Variants in MACROD2 observed in about 807,000 individuals in gnomAD.
MACROD2 encodes the protein mono-ADP ribosylhydrolase 2, also known as ADP-ribose glycohydrolase MACROD2.
In MACROD2, 36 loss-of-function variants were observed where a neutral mutation model predicts 70.4. The ratio of observed to expected loss-of-function variants is 0.51; its 90% CI spans 0.39 to 0.68. MACROD2 has a LOEUF of 0.68. MACROD2 is among the 30% of genes least tolerant of loss of function. The pLI is 0.00. For missense variants in MACROD2, 496 were observed against 538.4 expected, an observed-to-expected ratio of 0.92 and a Z score of 0.78; for synonymous variants, 172 against 178.8, an observed-to-expected ratio of 0.96 and a Z score of 0.30.
At chr20:14,829,890 T>C (rs986304479) in intron 5 of MACROD2, among the ~76,000 whole-genome samples, 6 of 152,172 alleles carry the variant, frequency 3.9e-5, no homozygotes, top group African/African-American at 1.4e-4. Context: ...TATAAAACTC[T>C]ACAACTATTA....
chr20:15,182,536 G>A (rs1042306526), intron 5 of MACROD2, among the ~76,000 whole-genome samples: 1 of 152,134 alleles, frequency 6.6e-6, no homozygotes, highest in Non-Finnish European at 1.5e-5. Flanking sequence ...AGACCTTAAT[G>A]AGGGAAGAAT....
intron 3 of MACROD2, among the ~76,000 whole-genome samples, chr20:14,138,979 AGAT>A (rs1346333156): frequency 6.6e-6 from 1 of 152,200 alleles, no homozygotes; most frequent in Non-Finnish European, 1.5e-5. Context: ...ACATAAATAA[AGAT>A]TATATTTTAG....
At chr20:15,150,232 G>A (rs750169331) in intron 5 of MACROD2, among the ~76,000 whole-genome samples, 1 of 151,956 alleles carries the variant, frequency 6.6e-6, no homozygotes, top group African/African-American at 2.4e-5. Context: ...TGAGCCTGAT[G>A]GGTGTCAGGG....
intron 5 of MACROD2, among the ~76,000 whole-genome samples, chr20:15,158,833 A>T (rs2076327287): frequency 6.6e-6 from 1 of 152,190 alleles, no homozygotes. Context: ...AATATAAAGT[A>T]ATTCAAGAGC....
At chr20:14,338,520 T>A (rs896680235) in intron 3 of MACROD2, among the ~76,000 whole-genome samples, 5 of 152,210 alleles carry the variant, frequency 3.3e-5, no homozygotes, top group African/African-American at 4.8e-5. Context: ...AATGAAAGTA[T>A]GTTTTATGTA....
At chr20:15,461,006 A>ATATATATATATATATATATATTTTT in intron 7 of MACROD2, among the ~76,000 whole-genome samples, 23 of 66,988 alleles carry the variant, frequency 3.4e-4, no homozygotes, top group South Asian at 6.8e-4. Context: ...ATATATATAT[A>ATATATATATATATATATATATTTTT]TTTTTTTTTA....
intron 5 of MACROD2, among the ~76,000 whole-genome samples, chr20:14,710,794 A>C (rs1045630172): frequency 1.3e-5 from 2 of 152,134 alleles, no homozygotes; most frequent in African/African-American, 4.8e-5. Flanking sequence ...CAGTATTTTA[A>C]AACCTTTCTG....
chr20:15,716,641 C>A (rs768592544), intron 8 of MACROD2, among the ~76,000 whole-genome samples: 1 of 152,150 alleles, frequency 6.6e-6, no homozygotes, highest in Non-Finnish European at 1.5e-5. Flanking sequence ...TCACCTTATT[C>A]TTTTTCTCGC....
intron 5 of MACROD2, among the ~76,000 whole-genome samples, chr20:14,996,275 G>A (rs983649494): frequency 6.6e-6 from 1 of 152,154 alleles, no homozygotes; most frequent in Non-Finnish European, 1.5e-5. Context: ...AAGGGAATGG[G>A]AACTTCCGGA....
intron 3 of MACROD2, among the ~76,000 whole-genome samples, chr20:14,467,834 A>T (rs961291258): frequency 2.6e-5 from 4 of 152,064 alleles, no homozygotes; most frequent in African/African-American, 9.7e-5. Flanking sequence ...AGTTTCGAAG[A>T]ACTTATTTAT....
At chr20:14,757,523 C>A in intron 5 of MACROD2, 1 of 651,450 alleles carries the variant, frequency 1.5e-6, no homozygotes. Flanking sequence ...TTTTAAAAGA[C>A]TGTATCTAGG....
intron 5 of MACROD2, among the ~76,000 whole-genome samples, chr20:15,157,349 A>ACCCCCCCCCCC (rs71870874): frequency 1.8e-5 from 2 of 109,402 alleles, no homozygotes; most frequent in Admixed American, 9.4e-5. Flanking sequence ...CTAATTAACC[A>ACCCCCCCCCCC]CCCCCCCCCA....
intron 3 of MACROD2, among the ~76,000 whole-genome samples, chr20:14,280,766 C>A (rs1354987751): frequency 6.6e-6 from 1 of 152,158 alleles, no homozygotes; most frequent in South Asian, 2.1e-4. Context: ...ATGACACCGA[C>A]CCTCTTTGGG....
chr20:15,235,204 C>T lies in MACROD2; in HGVS notation c.540+5143C>T, dbSNP rs2145993819. 2.0e-5 allele frequency among the ~76,000 whole-genome samples: 3 copies of T among 151,998 alleles called. 1 individual carries two copies. The South Asian group carries it at 6.3e-4, about 32-fold the overall frequency. ...GAAAAAAACATAATCTGCATATAAG[C>T]CAGATTTTACTTAGGTTAAAAATTA... is the stretch of plus-strand genomic sequence containing the variant. On this transcript the variant is annotated intron_variant, in intron 6 of 17. Transcript: ENST00000684519.
intron 9 of MACROD2, among the ~76,000 whole-genome samples, chr20:15,868,864 G>A (rs909298339): frequency 6.6e-6 from 1 of 151,924 alleles, no homozygotes; most frequent in African/African-American, 2.4e-5. Flanking sequence ...ACTCACTGCA[G>A]CCTCGAACTT....
intron 15 of MACROD2, among the ~76,000 whole-genome samples, chr20:15,999,974 T>C (rs1476549965): frequency 1.3e-5 from 2 of 152,238 alleles, no homozygotes; most frequent in African/African-American, 4.8e-5. Context: ...TGATTCATCA[T>C]TGATTCCTTT....
At chr20:14,839,647 G>A (rs139021447) in intron 5 of MACROD2, among the ~76,000 whole-genome samples, 4 of 152,146 alleles carry the variant, frequency 2.6e-5, no homozygotes, top group East Asian at 1.9e-4. Flanking sequence ...TGATTTGGAG[G>A]CATTGACCAT....
intron 5 of MACROD2, among the ~76,000 whole-genome samples, chr20:14,934,196 TG>T (rs1362081898): frequency 1.3e-5 from 2 of 152,182 alleles, no homozygotes; most frequent in African/African-American, 4.8e-5. Flanking sequence ...TCTGCCCTTC[TG>T]GCCCTTCCAG....
chr20:15,253,629 C>G (rs1250262943), intron 6 of MACROD2, among the ~76,000 whole-genome samples: 1 of 152,158 alleles, frequency 6.6e-6, no homozygotes, highest in Non-Finnish European at 1.5e-5. Context: ...GCTGGACACT[C>G]ATAACTATGG....
Sources: gnomAD v4.1 joint callset for allele counts (sites outside exome capture counted in the v4.1 genomes callset) on GRCh38, gnomAD v4.1.1 for gene constraint, MANE v1.5 for transcripts, NCBI Gene and HGNC (gene_info 2026-07-23, HGNC 2026-07-21) for gene names.